Variants in ELP3 observed in about 807,000 individuals in gnomAD.
ELP3 encodes the protein elongator complex protein 3.
In ELP3, 56 loss-of-function variants were observed where a neutral mutation model predicts 74.9. That is an observed-to-expected ratio of 0.75 (90% CI 0.60 to 0.93). ELP3 has a LOEUF of 0.93. Among genes scored for constraint, ELP3 ranks in the 40% least tolerant of loss-of-function variants. The pLI is 0.00. For missense variants in ELP3, 573 were observed against 686.5 expected (o/e 0.83, Z 1.85); for synonymous variants, 222 against 239.8 (o/e 0.93, Z 0.68).
intron 10 of ELP3, among the ~76,000 whole-genome samples, chr8:28,154,494 G>A (rs535952213): frequency 2.1e-3 from 316 of 152,172 alleles, no homozygotes; most frequent in Middle Eastern, 3.4e-3. Flanking sequence ...GTATATATGA[G>A]ATGTATAGCC....
chr8:28,119,323 T>A (rs1812261888), intron 7 of ELP3, among the ~76,000 whole-genome samples: 1 of 151,966 alleles, frequency 6.6e-6, no homozygotes, highest in East Asian at 1.9e-4. Flanking sequence ...TTAGTGAGCA[T>A]CCACATACCC....
intron 10 of ELP3, among the ~76,000 whole-genome samples, chr8:28,138,227 C>G (rs1303088926): frequency 1.3e-5 from 2 of 152,102 alleles, no homozygotes; most frequent in Admixed American, 1.3e-4. Flanking sequence ...TGGGTATGAG[C>G]ATAAGAAGTG....
chr8:28,150,308 C>G lies in ELP3; in HGVS notation c.1101-5634C>G, dbSNP rs571484556. Among the ~76,000 whole-genome samples the G allele has an allele frequency of 3.3e-5, 5 of 152,278 alleles. No individual in the cohort carries two copies. In the South Asian group the frequency reaches 1.0e-3, roughly 32 times the overall value. The stretch of plus-strand genomic sequence containing the variant: ...TTACCCTTGTTTTTGTTCAACATTT[C>G]TCTTTATGTAGGTCTGAGTTTCTGA... On this transcript the variant is annotated intron_variant, in intron 10 of 14. Transcript: ENST00000256398.
chr8:28,154,434 G>T (rs987180426), intron 10 of ELP3, among the ~76,000 whole-genome samples: 17 of 152,084 alleles, frequency 1.1e-4, no homozygotes, highest in African/African-American at 3.9e-4. Flanking sequence ...GATTAATTTT[G>T]TGCTGTGTAT....
chr8:28,136,768 A>G (rs1413037258), intron 9 of ELP3, among the ~76,000 whole-genome samples: 3 of 152,162 alleles, frequency 2.0e-5, no homozygotes, highest in African/African-American at 4.8e-5. Context: ...CTGAGTAGAT[A>G]CTCCCACCAA....
At chr8:28,116,237 C>A (rs186751805) in intron 7 of ELP3, among the ~76,000 whole-genome samples, 90 of 152,146 alleles carry the variant, frequency 5.9e-4, no homozygotes, top group African/African-American at 2.1e-3. Flanking sequence ...AAATTTAATA[C>A]CAAGGGTAGC....
intron 10 of ELP3, among the ~76,000 whole-genome samples, chr8:28,152,857 A>G (rs10090926): frequency 0.34 from 51,601 of 152,080 alleles, 9,214 homozygotes; most frequent in East Asian, 0.65. Flanking sequence ...TCTGTGTTTT[A>G]TTCTAACAGT....
In ELP3 at chr8:28,107,938, G is replaced by T; in HGVS notation, c.355G>T (p.Asp119Tyr). Residue 119 changes from aspartate (D) to tyrosine (Y), a missense_variant, in exon 5 of 15, where the codon GAT becomes TAT. Physicochemically the swap from Asp to Tyr is radical, Grantham distance 160. Transcript: ENST00000256398. ...CVYCPGGPDSDFEYSTQSYTG... is the reference protein window; with the variant it reads ...CVYCPGGPDSYFEYSTQSYTG... ...ATACTGCCCTGGTGGACCTGATTCT[G>T]ATTTTGAGTATTCCACCCAGTCTTA... 4 of 1,613,970 alleles carry T rather than the reference G, an allele frequency of 2.5e-6. No individual in the cohort carries two copies. Among genetic ancestry groups the T allele is most frequent in the South Asian group, 1.1e-5 (1 of 91,054 alleles).
intron 10 of ELP3, among the ~76,000 whole-genome samples, chr8:28,139,032 G>A (rs1229968145): frequency 6.6e-6 from 1 of 152,148 alleles, no homozygotes; most frequent in Non-Finnish European, 1.5e-5. Flanking sequence ...CATGCAGGAG[G>A]CAGGGAGCCA....
intron 7 of ELP3, among the ~76,000 whole-genome samples, chr8:28,125,924 A>G (rs1227514845): frequency 6.6e-6 from 1 of 152,148 alleles, no homozygotes; most frequent in Non-Finnish European, 1.5e-5. Context: ...TAAGCGGTAG[A>G]TGTATCTGGA....
intron 12 of ELP3, 95 bp downstream of exon 12, chr8:28,158,728 G>A (rs2130544918): frequency 1.0e-6 from 1 of 972,478 alleles, no homozygotes; most frequent in Non-Finnish European, 1.6e-6. Context: ...AGAGCCCCAG[G>A]AGTGAATAAC....
At chr8:28,108,027 T>TGTAGTATGGTTTTACCA (rs1491562195) in intron 5 of ELP3, 51 bp downstream of exon 5, 2 of 1,493,806 alleles carry the variant, frequency 1.3e-6, no homozygotes, top group Non-Finnish European at 1.9e-6. Flanking sequence ...ATGCTTTACC[T>TGTAGTATGGTTTTACCA]GTAGTATGGT....
At chr8:28,099,299 T>G (rs145729465) in intron 2 of ELP3, among the ~76,000 whole-genome samples, 1 of 152,358 alleles carries the variant, frequency 6.6e-6, no homozygotes, top group Non-Finnish European at 1.5e-5. Context: ...GTTGTTGTTT[T>G]GTCTAAGACA....
chr8:28,172,980 T>C (rs1358921351), intron 14 of ELP3, among the ~76,000 whole-genome samples: 2 of 152,088 alleles, frequency 1.3e-5, no homozygotes, highest in Non-Finnish European at 2.9e-5. Context: ...CAGGGATAAA[T>C]CCCACTTGGT....
intron 7 of ELP3, chr8:28,113,914 A>T (rs1210568965): frequency 6.6e-6 from 1 of 152,186 alleles, no homozygotes; most frequent in East Asian, 1.9e-4. Context: ...ATGTCTGTCA[A>T]ATCATGTGTT....
intron 14 of ELP3, among the ~76,000 whole-genome samples, chr8:28,185,340 A>G (rs1232865252): frequency 1.3e-5 from 2 of 151,416 alleles, no homozygotes; most frequent in African/African-American, 4.9e-5. Context: ...CATAGAGCCA[A>G]TTTTTTTTTC....
chr8:28,111,941 G>A (rs949183013), intron 6 of ELP3, among the ~76,000 whole-genome samples: 5 of 152,140 alleles, frequency 3.3e-5, no homozygotes, highest in Non-Finnish European at 7.4e-5. Flanking sequence ...CATAGATACA[G>A]AAATAGAGTA....
intron 10 of ELP3, among the ~76,000 whole-genome samples, chr8:28,149,805 A>G (rs953450408): frequency 6.6e-6 from 1 of 152,054 alleles, no homozygotes; most frequent in African/African-American, 2.4e-5. Flanking sequence ...AGTGCTATAA[A>G]TTTTCCTCTA....
At chr8:28,144,808 G>A (rs2130504493) in intron 10 of ELP3, among the ~76,000 whole-genome samples, 1 of 152,358 alleles carries the variant, frequency 6.6e-6, no homozygotes, top group East Asian at 1.9e-4. Flanking sequence ...GAAGGCCAAG[G>A]CGGGCAGATC....
Sources: gnomAD v4.1 joint callset for allele counts (sites outside exome capture counted in the v4.1 genomes callset) on GRCh38, gnomAD v4.1.1 for gene constraint, MANE v1.5 for transcripts, NCBI Gene and HGNC (gene_info 2026-07-23, HGNC 2026-07-21) for gene names.